Variants in PLS3 observed in about 807,000 individuals in gnomAD.
PLS3 encodes the protein plastin 3, also known as plastin-3.
In PLS3, 11 loss-of-function variants were observed where a neutral mutation model predicts 46.5. The ratio of observed to expected loss-of-function variants is 0.24; its 90% CI spans 0.15 to 0.39. The LOEUF is 0.39. Among genes scored for constraint, PLS3 ranks in the 10% least tolerant of loss-of-function variants. The probability of loss-of-function intolerance (pLI) is 1.00; values close to 1 mark genes in which losing one functional copy is unlikely to be tolerated. For missense variants in PLS3, 308 were observed against 461.8 expected (o/e 0.67, Z 3.05); for synonymous variants, 167 against 162.2 (o/e 1.03, Z -0.22).
At chrX:115,647,432 TC>T in intron 13 of PLS3, 117 bp from the exon 14 acceptor site, 1 of 745,264 alleles carries the variant, frequency 1.3e-6, no homozygotes, top group Non-Finnish European at 1.9e-6. Context: ...AGACTCCGTC[TC>T]AAAAAAAAGA....
chrX:115,594,652 T>G (rs1603226964), intron 1 of PLS3, among the ~76,000 whole-genome samples: 1 of 103,308 alleles, frequency 9.7e-6, no homozygotes, highest in African/African-American at 3.9e-5. Flanking sequence ...TCCCTCTCTC[T>G]CTCTCTCTCT....
chrX:115,622,206 AT>A (rs782610784), intron 2 of PLS3, 39 bp from the exon 3 acceptor site: 64 of 1,125,313 alleles, frequency 5.7e-5, no homozygotes, highest in Non-Finnish European at 7.0e-5. Flanking sequence ...CTGTCTTTCA[AT>A]TTTTTTTCCT....
chrX:115,568,990 T>G (rs921466906), intron 1 of PLS3, among the ~76,000 whole-genome samples: 1 of 102,739 alleles, frequency 9.7e-6, no homozygotes, highest in African/African-American at 3.8e-5. Context: ...GAGCCAAGAT[T>G]GCACCACTGC....
chrX:115,562,181 C>T lies in PLS3; in HGVS notation c.-9+921C>T, dbSNP rs782210229. 2.0e-3 allele frequency among the ~76,000 whole-genome samples: 226 copies of T among 110,996 alleles called. 1 individual carries two copies. The highest frequency in any genetic ancestry group is 3.0e-3 in the Admixed American group (31 of 10,480). ...GCTGCACTTGCCTGTGTTTACTTTT[C>T]TCCACCCGCAGTACTTAAGCGCTGT... On this transcript the variant is annotated intron_variant, in intron 1 of 15. Transcript: ENST00000355899.
intron 2 of PLS3, among the ~76,000 whole-genome samples, chrX:115,616,381 A>G (rs1274012013): frequency 8.9e-6 from 1 of 112,372 alleles, no homozygotes; most frequent in Non-Finnish European, 1.9e-5. Flanking sequence ...TACCTCAGCT[A>G]TTTTATTTTA....
rs782421125 is a variant in PLS3, at chrX:115,644,330, C to T, written c.1184-691C>T. 2.7e-3 allele frequency among the ~76,000 whole-genome samples: 305 copies of T among 110,965 alleles called. 1 individual carries two copies. The highest frequency in any genetic ancestry group is 4.2e-3 in the Non-Finnish European group (224 of 53,074). ...TAAGAAATGCAGCCAGGCGCGGTGGCTCACGACTGTAATCCCAGCACTTTG... is the reference window on the plus strand; with the variant it reads ...TAAGAAATGCAGCCAGGCGCGGTGGTTCACGACTGTAATCCCAGCACTTTG... On this transcript the variant is annotated intron_variant, in intron 10 of 15. Coordinates refer to ENST00000355899, the MANE Select transcript of PLS3 (RefSeq NM_005032.7).
intron 14 of PLS3, 52 bp from the exon 15 acceptor site, chrX:115,647,841 A>G (rs1263550317): frequency 5.9e-6 from 7 of 1,189,814 alleles, no homozygotes; most frequent in African/African-American, 3.5e-5. Flanking sequence ...AAGTAAGCAC[A>G]TGTTAATTTG....
intron 9 of PLS3, among the ~76,000 whole-genome samples, chrX:115,640,862 G>A (rs2074887794): frequency 1.8e-5 from 2 of 111,598 alleles, no homozygotes; most frequent in Non-Finnish European, 3.8e-5. Flanking sequence ...TATAACCACA[G>A]TAATAGATTT....
rs1556637694 is a variant in PLS3 at position 115,622,144 on chromosome X, A to G, written c.74-102A>G. On this transcript the variant is annotated intron_variant, in intron 2 of 15. Transcript: ENST00000355899. ...GTTCCCCACAATAAGAAAATATTTT[A>G]TGTAAGTGAGCTTATGAACTGAACC... 3 of 614,470 alleles carry G rather than the reference A, an allele frequency of 4.9e-6. No homozygotes were observed. In the African/African-American group the frequency reaches 6.9e-5, roughly 14 times the overall value. 50.6% of individuals were successfully genotyped at this position (614,470 alleles called of 1,213,427 possible). A position where few individuals can be genotyped will look rare whatever the true frequency, so the allele number is the denominator to read the frequency against.
intron 2 of PLS3, among the ~76,000 whole-genome samples, chrX:115,613,175 C>T (rs1569527896): frequency 9.0e-6 from 1 of 111,144 alleles, no homozygotes; most frequent in Admixed American, 9.6e-5. Context: ...TTTTTCCCTC[C>T]TGAGCACTCA....
chrX:115,634,800 T>C, intron 6 of PLS3, 81 bp from the exon 7 acceptor site: 1 of 898,604 alleles, frequency 1.1e-6, no homozygotes, highest in Non-Finnish European at 1.6e-6. Context: ...TCATTGAATG[T>C]TATTTTCAGT....
chrX:115,562,688 A>G (rs1350425523), intron 1 of PLS3: 1 of 111,852 alleles, frequency 8.9e-6, no homozygotes, highest in Non-Finnish European at 1.9e-5. Flanking sequence ...GATGCAGTTC[A>G]TGGTGAATTC....
chrX:115,603,973 A>G (rs914829378), intron 1 of PLS3, among the ~76,000 whole-genome samples: 2 of 112,002 alleles, frequency 1.8e-5, no homozygotes, highest in African/African-American at 6.5e-5. Context: ...ATGTGACAAT[A>G]TTGACAAGCT....
At chrX:115,646,299 T>C (rs2074950909) in intron 12 of PLS3, 103 bp from the exon 13 acceptor site, 24 of 956,548 alleles carry the variant, frequency 2.5e-5, no homozygotes, top group Non-Finnish European at 3.5e-5. Context: ...CTGTGTCTTA[T>C]TTGTTTTTGT....
At chrX:115,634,565 T>C (rs953072966) in intron 6 of PLS3, among the ~76,000 whole-genome samples, 2 of 111,881 alleles carry the variant, frequency 1.8e-5, no homozygotes, top group African/African-American at 3.2e-5. Context: ...TATAACACTT[T>C]ACTCACATGG....
At chrX:115,638,949 C>T (rs1240229987) in intron 8 of PLS3, among the ~76,000 whole-genome samples, 2 of 109,722 alleles carry the variant, frequency 1.8e-5, no homozygotes, top group East Asian at 2.9e-4. Context: ...CTCCTGACCT[C>T]GTGATCTGCC....
intron 10 of PLS3, 122 bp downstream of exon 10, chrX:115,643,630 C>T (rs782668705): frequency 8.1e-4 from 355 of 439,347 alleles, no homozygotes; most frequent in Admixed American, 2.8e-3. Context: ...ATGGCAGATG[C>T]TGAGTAAAAA....
At chrX:115,641,120 A>C (rs898398806) in intron 9 of PLS3, among the ~76,000 whole-genome samples, 4 of 110,785 alleles carry the variant, frequency 3.6e-5, no homozygotes, top group African/African-American at 1.3e-4. Flanking sequence ...TTTTGTACCC[A>C]TTAGATATGG....
intron 4 of PLS3, 74 bp from the exon 5 acceptor site, chrX:115,629,761 A>G (rs1398305759): frequency 1.0e-5 from 7 of 687,402 alleles, no homozygotes; most frequent in Non-Finnish European, 1.3e-5. Flanking sequence ...CTGCACAACT[A>G]TTTTAGGCTT....
Sources: gnomAD v4.1 joint callset for allele counts (sites outside exome capture counted in the v4.1 genomes callset) on GRCh38, gnomAD v4.1.1 for gene constraint, MANE v1.5 for transcripts, NCBI Gene and HGNC (gene_info 2026-07-23, HGNC 2026-07-21) for gene names.